ABCG2: variants seen among roughly 807,000 people sequenced by gnomAD.
ABCG2 encodes the protein ATP binding cassette subfamily G member 2 (JR blood group), also known as broad substrate specificity ATP-binding cassette transporter ABCG2.
ABCG2 carries 80 observed loss-of-function variants against 73.5 expected under a neutral mutation model. The observed-to-expected ratio is 1.09, with a 90% confidence interval of 0.91 to 1.31. The LOEUF is 1.31. Among genes scored for constraint, ABCG2 ranks in the 50% most tolerant of loss-of-function variants. ABCG2 has a pLI of 0.00. For synonymous variants in ABCG2, 269 were observed against 282.4 expected (o/e 0.95, Z 0.48); for missense variants, 796 against 786.2 (o/e 1.01, Z -0.15).
chr4:88,136,744 G>T (rs753903634), intron 2 of ABCG2, among the ~76,000 whole-genome samples: 3 of 151,364 alleles, frequency 2.0e-5, no homozygotes, highest in Non-Finnish European at 4.4e-5. Context: ...GGCTGGGCAC[G>T]GTGGCTTATG....
chr4:88,212,435 C>T (rs1475363457), intron 1 of ABCG2, among the ~76,000 whole-genome samples: 2 of 152,122 alleles, frequency 1.3e-5, no homozygotes, highest in Non-Finnish European at 2.9e-5. Context: ...TTCAGTATCT[C>T]CGAAAACGAT....
In ABCG2 at chr4:88,176,477, C is replaced by CTT. The variant is rs34754034; in HGVS notation, c.-19-36465_-19-36464dup. On this transcript the variant is annotated intron_variant, in intron 1 of 15. Transcript: ENST00000515655. ...TACAGTAATGAAACCAAAGAGAATG[C>CTT]TTTTTTTTTTTTTTTTTTTTTGTGA... 7.2e-3 allele frequency among the ~76,000 whole-genome samples: 610 copies of CTT among 84,828 alleles called. 31 individuals are homozygous for CTT. The highest frequency in any genetic ancestry group is 0.013 in the African/African-American group (295 of 22,210). 55.7% of individuals were successfully genotyped at this position (84,828 alleles called of 152,430 possible).
At chr4:88,102,595 C>CA (rs11373616) in intron 10 of ABCG2, among the ~76,000 whole-genome samples, 106,117 of 137,820 alleles carry the variant, frequency 0.77, 45,542 homozygotes, top group East Asian at 0.96. Flanking sequence ...GACACTGTCT[C>CA]AAAAAAAAAA....
At chr4:88,122,890 C>T (rs969319368) in intron 5 of ABCG2, among the ~76,000 whole-genome samples, 2 of 152,160 alleles carry the variant, frequency 1.3e-5, no homozygotes, top group African/African-American at 2.4e-5. Flanking sequence ...CAGCAGGGGT[C>T]GACAGACACT....
chr4:88,200,117 G>A (rs1729099593), intron 1 of ABCG2, among the ~76,000 whole-genome samples: 1 of 152,076 alleles, frequency 6.6e-6, no homozygotes, highest in Admixed American at 6.5e-5. Flanking sequence ...TTGAGCTCAG[G>A]AATTCAAAAC....
chr4:88,139,609 C>A (rs1242448841), intron 2 of ABCG2, among the ~76,000 whole-genome samples, 184 bp downstream of exon 2: 1 of 152,102 alleles, frequency 6.6e-6, no homozygotes, highest in Admixed American at 6.6e-5. Flanking sequence ...CAAACATATA[C>A]CTAAAATGTG....
Position 88,113,554 on chromosome 4 carries a change from C to T in ABCG2, c.944-1G>A. On this transcript the variant is annotated splice_acceptor_variant, in intron 8 of 15. Coordinates refer to ENST00000237612, the MANE Select transcript of ABCG2 (RefSeq NM_004827.3). LOFTEE classifies it high-confidence loss of function. Reference sequence around the variant, plus strand: ...TTGGAAGGCTCTATGATCTCTGTGGCTTTGCAATCAGTGGATAAAAAGGAA... The same window carrying T: ...TTGGAAGGCTCTATGATCTCTGTGGTTTTGCAATCAGTGGATAAAAAGGAA... The T allele has an allele frequency of 2.5e-6, 4 of 1,608,248 alleles. No homozygotes were observed. Among genetic ancestry groups the T allele is most frequent in the Non-Finnish European group, 3.4e-6 (4 of 1,176,758 alleles).
At chr4:88,108,479 C>T (rs867557154) in intron 9 of ABCG2, among the ~76,000 whole-genome samples, 1 of 151,972 alleles carries the variant, frequency 6.6e-6, no homozygotes, top group Non-Finnish European at 1.5e-5. Context: ...TTGCAGCGAG[C>T]CAAGATCATA....
chr4:88,096,611 TA>T (rs1289939144), intron 13 of ABCG2, among the ~76,000 whole-genome samples: 3 of 152,154 alleles, frequency 2.0e-5, no homozygotes, highest in Non-Finnish European at 4.4e-5. Flanking sequence ...TAAAGGCATC[TA>T]CTCCTACTCT....
chr4:88,197,025 A>C (rs1266739180), intron 1 of ABCG2, among the ~76,000 whole-genome samples: 2 of 151,992 alleles, frequency 1.3e-5, no homozygotes, highest in African/African-American at 4.8e-5. Flanking sequence ...GAGGAGACTG[A>C]GAGGCACTGT....
chr4:88,105,988 A>T (rs1030135433), intron 10 of ABCG2, among the ~76,000 whole-genome samples: 2 of 152,200 alleles, frequency 1.3e-5, no homozygotes, highest in African/African-American at 4.8e-5. Flanking sequence ...ACCCTTGTGC[A>T]CTGCTGGTAA....
At chr4:88,180,801 G>A (rs957926467) in intron 1 of ABCG2, among the ~76,000 whole-genome samples, 4 of 151,926 alleles carry the variant, frequency 2.6e-5, no homozygotes, top group African/African-American at 9.7e-5. Flanking sequence ...GAATGTTAAT[G>A]AGCAATAAGG....
At position 88,099,315 on chromosome 4, in the gene ABCG2, C is replaced by A; in HGVS notation, c.1492+9G>T. ...AGACATGTCCTTTTTTGTTTTGTTA[C>A]ATACTTACCTAACATGAAGTACACT... On this transcript the variant is annotated intron_variant, in intron 12 of 15. Coordinates refer to ENST00000237612, the MANE Select transcript of ABCG2 (RefSeq NM_004827.3). 6.3e-7 allele frequency: 1 copy of A among 1,580,666 alleles called. No individual in the cohort carries two copies. The highest frequency in any genetic ancestry group is 8.6e-7 in the Non-Finnish European group (1 of 1,166,740).
chr4:88,151,697 C>G (rs562101250), intron 1 of ABCG2, among the ~76,000 whole-genome samples: 10 of 151,420 alleles, frequency 6.6e-5, no homozygotes, highest in African/African-American at 2.2e-4. Flanking sequence ...CGAGATGGCG[C>G]CACTGCACTC....
In ABCG2 at chr4:88,131,716, CA is replaced by C. The variant is rs965587363; in HGVS notation, c.378+86del. 146 of 910,510 alleles carry C rather than the reference CA, an allele frequency of 1.6e-4. No homozygotes were observed. The East Asian group carries it at 3.6e-3, about 23-fold the overall frequency. The allele number at this position is 910,510 out of a possible 1,614,324, so 56.4% of individuals were successfully genotyped here. On this transcript the variant is annotated intron_variant, in intron 4 of 15. Transcript: ENST00000237612. ...CAGTTCTAGGACCATGTCACATAAT[CA>C]ACTGGAAGCACATTGAACTATCAGC...
At chr4:88,120,695 GAAGTTACT>G (rs1317744334) in intron 6 of ABCG2, among the ~76,000 whole-genome samples, 1 of 152,098 alleles carries the variant, frequency 6.6e-6, no homozygotes, top group Non-Finnish European at 1.5e-5. Flanking sequence ...TTGTATCTAG[GAAGTTACT>G]AACTTGCTTT....
intron 10 of ABCG2, among the ~76,000 whole-genome samples, chr4:88,106,922 G>A (rs1197619194): frequency 2.0e-5 from 3 of 152,236 alleles, no homozygotes; most frequent in Non-Finnish European, 4.4e-5. Context: ...GATGTCTGTA[G>A]TCGAGGCTAC....
rs186756423 is a variant in ABCG2 at position 88,169,627 on chromosome 4, C to T, written c.-19-29613G>A. Reference sequence around the variant, plus strand: ...GAGGCCCAAAATGTGAAACTATTTTCTCCCTTTGATTATGCTCCAAACGGC... The same window carrying T: ...GAGGCCCAAAATGTGAAACTATTTTTTCCCTTTGATTATGCTCCAAACGGC... On this transcript the variant is annotated intron_variant, in intron 1 of 15. Transcript: ENST00000515655. Among the ~76,000 whole-genome samples, 363 of 152,256 alleles carry T rather than the reference C, an allele frequency of 2.4e-3. 1 individual carries two copies. The highest frequency in any genetic ancestry group is 3.8e-3 in the Non-Finnish European group (258 of 68,032).
intron 5 of ABCG2, among the ~76,000 whole-genome samples, chr4:88,122,632 G>A (rs1443418794): frequency 6.6e-6 from 1 of 152,112 alleles, no homozygotes; most frequent in Admixed American, 6.6e-5. Flanking sequence ...CTCTATGCAG[G>A]GCATCTCTGA....
Sources: allele counts gnomAD v4.1 joint callset (sites outside exome capture counted in the v4.1 genomes callset), GRCh38; gene constraint gnomAD v4.1.1; transcripts MANE v1.5; gene names NCBI Gene and HGNC (gene_info 2026-07-23, HGNC 2026-07-21).